Variants in FN1 observed in about 807,000 individuals in gnomAD.
The protein encoded by FN1 is fibronectin 1, also known as fibronectin.
In FN1, 106 loss-of-function variants were observed where a neutral mutation model predicts 297.3. The ratio of observed to expected loss-of-function variants is 0.36; its 90% confidence interval spans 0.30 to 0.42. The LOEUF is 0.42. Among genes scored for constraint, FN1 ranks in the 10% least tolerant of loss-of-function variants. The probability of loss-of-function intolerance (pLI) is 1.00; values close to 1 mark genes in which losing one functional copy is unlikely to be tolerated. For synonymous variants in FN1, 1,149 were observed against 1,152.6 expected, an observed-to-expected ratio of 1.00 and a Z score of 0.06; for missense variants, 2,690 against 3,124.9, an observed-to-expected ratio of 0.86 and a Z score of 3.32.
At chr2:215,434,651 T>G (rs1423649048) in intron 2 of FN1, 45 bp downstream of exon 2, 1 of 1,610,986 alleles carries the variant, frequency 6.2e-7, no homozygotes, top group South Asian at 1.1e-5. Context: ...CAATTACCAC[T>G]TCATGTATTA....
intron 35 of FN1, among the ~76,000 whole-genome samples, chr2:215,377,000 T>A (rs924677785): frequency 6.6e-6 from 1 of 152,002 alleles, no homozygotes; most frequent in Admixed American, 6.6e-5. Context: ...TGTAAAAATA[T>A]GTGTGGTAGG....
chr2:215,404,516 G>A lies in FN1; in HGVS notation c.3126C>T (p.Tyr1042=). Residue 1042 remains tyrosine, a synonymous_variant, in exon 20 of 46, where the codon TAC becomes TAT. Transcript: ENST00000354785. ...GLTRRGQPRQ[Y]NVGPSVSKYP... ...ACTTGGAGACAGAGGGACCCACATT[G>A]TACTGCCTGGGCTGTCCTCTTCGGG... 1 of 1,614,110 alleles carries A rather than the reference G, an allele frequency of 6.2e-7. No homozygotes were observed. Among genetic ancestry groups the A allele is most frequent in the Non-Finnish European group, 8.5e-7 (1 of 1,180,008 alleles).
At position 215,370,631 on chromosome 2, in the gene FN1, G is replaced by A. The variant is rs373090296; in HGVS notation, c.6715-199C>T. On this transcript the variant is annotated intron_variant, in intron 40 of 45. Transcript: ENST00000354785. ...AAATGGAACAAGGATAGGGGCCATC[G>A]TTCCTGCCAGATTTTCCTGCCAACA... The A allele has an allele frequency of 6.7e-5, 38 of 563,582 alleles. No individual in the cohort carries two copies. The Admixed American group carries it at 7.4e-4, about 11-fold the overall frequency. 34.9% of individuals were successfully genotyped at this position (563,582 alleles called of 1,614,324 possible).
Position 215,435,786 on chromosome 2 carries a change from C to A in FN1, c.17G>T (p.Gly6Val), listed in dbSNP as rs1559630476. The change falls in exon 1 of 46, where the codon GGG becomes GTG. Residue 6 changes from glycine to valine, a missense_variant. Coordinates refer to ENST00000354785, the MANE Select transcript of FN1 (RefSeq NM_212482.4). Reference sequence around the variant, plus strand: ...GACGGCCAGCAGCAGCAGCCCGGGCCCCGGACCCCTAAGCATGTTGAGACG... The same window carrying A: ...GACGGCCAGCAGCAGCAGCCCGGGCACCGGACCCCTAAGCATGTTGAGACG... MLRGP[G>V]PGLLLLAVQC... 6.4e-7 allele frequency: 1 copy of A among 1,567,372 alleles called. No individual in the cohort carries two copies. The highest frequency in any genetic ancestry group is 1.2e-5 in the South Asian group (1 of 86,448).
At chr2:215,433,491 C>A in intron 2 of FN1, 30 bp from the exon 3 acceptor site, 2 of 1,607,036 alleles carry the variant, frequency 1.2e-6, no homozygotes, top group Non-Finnish European at 1.7e-6. Flanking sequence ...CCATGTGAGC[C>A]TCACTTAGGT....
chr2:215,415,283 C>A (rs17457391), intron 12 of FN1, among the ~76,000 whole-genome samples: 1 of 152,022 alleles, frequency 6.6e-6, no homozygotes, highest in African/African-American at 2.4e-5. Context: ...AATTGTGAAA[C>A]GATCCTACAA....
Position 215,397,163 on chromosome 2 carries a change from A to G in FN1, c.3578T>C (p.Val1193Ala). The G allele has an allele frequency of 6.2e-7, 1 of 1,613,686 alleles. No homozygotes were observed. The highest frequency in any genetic ancestry group is 8.5e-7 in the Non-Finnish European group (1 of 1,179,710). The part of the protein sequence containing the change: ...EANPDTGVLT[V>A]SWERSTTPDI... ...TGGGGTGGTGCTCCTCTCCCAGGAG[A>G]CTGTGAGCACTCCAGTGTCAGGGTT... Residue 1193 changes from valine to alanine, a missense_variant, in exon 23 of 46, where the codon GTC becomes GCC. Val to Ala is a moderately conservative substitution (Grantham distance 64). Around this residue, in one of 3 missense-constraint regions of FN1, gnomAD observed 1,743 missense variants for 1,945.2 expected, o/e 0.90. Transcript: ENST00000354785.
chr2:215,419,827 C>T (rs919599256), intron 11 of FN1, among the ~76,000 whole-genome samples: 41 of 152,174 alleles, frequency 2.7e-4, no homozygotes, highest in African/African-American at 8.9e-4. Context: ...CTAGACTTTA[C>T]GAGTATACCT....
intron 10 of FN1, 124 bp from the exon 11 acceptor site, chr2:215,420,925 AC>A: frequency 1.1e-6 from 1 of 931,258 alleles, no homozygotes; most frequent in Non-Finnish European, 1.7e-6. Flanking sequence ...CACTAAAATA[AC>A]TTTTCTACAA....
intron 21 of FN1, 76 bp downstream of exon 21, chr2:215,399,180 AC>A: frequency 9.3e-7 from 1 of 1,074,398 alleles, no homozygotes; most frequent in Non-Finnish European, 1.4e-6. Context: ...ACTCCTGAGC[AC>A]CCTGTTTCCA....
intron 40 of FN1, among the ~76,000 whole-genome samples, chr2:215,371,569 ACT>A (rs1269193876): frequency 4.0e-5 from 6 of 149,988 alleles, no homozygotes; most frequent in South Asian, 2.1e-4. Flanking sequence ...AAAGCTAGTG[ACT>A]CTCTGGTATG....
intron 41 of FN1, 56 bp from the exon 42 acceptor site, chr2:215,368,083 C>T: frequency 2.5e-6 from 4 of 1,572,738 alleles, no homozygotes; most frequent in Non-Finnish European, 3.5e-6. Flanking sequence ...CGATTTGGAC[C>T]ATAAGAAGAA....
chr2:215,387,025 G>C (rs1355337261), intron 27 of FN1, 67 bp from the exon 28 acceptor site: 2 of 1,420,656 alleles, frequency 1.4e-6, no homozygotes, highest in Non-Finnish European at 1.9e-6. Flanking sequence ...TAGGAAGTGA[G>C]GAAGGTGTAG....
chr2:215,385,888 C>T (rs1422659399), intron 28 of FN1, among the ~76,000 whole-genome samples: 21 of 150,802 alleles, frequency 1.4e-4, no homozygotes, highest in African/African-American at 4.9e-4. Flanking sequence ...AGCAATTCTC[C>T]TGCCTCAGCC....
intron 12 of FN1, among the ~76,000 whole-genome samples, chr2:215,417,762 G>A (rs2063652850): frequency 6.6e-6 from 1 of 152,100 alleles, no homozygotes; most frequent in Non-Finnish European, 1.5e-5. Flanking sequence ...GTAGGAGTAA[G>A]GTCAACATGT....
In FN1 at chr2:215,434,646, A is replaced by C. The variant is rs776784827; in HGVS notation, c.277+50T>G. 6 of 1,607,062 alleles carry C rather than the reference A, an allele frequency of 3.7e-6. No individual in the cohort carries two copies. The South Asian group carries it at 6.6e-5, about 18-fold the overall frequency. The stretch of plus-strand genomic sequence containing the variant: ...CTTACTAATGCAAAGTTTAACAATT[A>C]CCACTTCATGTATTAAAAGATACTA... On this transcript the variant is annotated intron_variant, in intron 2 of 45. Transcript: ENST00000354785.
intron 10 of FN1, 193 bp from the exon 11 acceptor site, chr2:215,420,994 T>TG (rs1371474018): frequency 6.8e-6 from 4 of 591,136 alleles, no homozygotes; most frequent in Non-Finnish European, 1.2e-5. Flanking sequence ...GCCAAAAAAA[T>TG]TTTTTTCTTC....
chr2:215,415,056 T>A, intron 12 of FN1, 98 bp from the exon 13 acceptor site: 1 of 870,932 alleles, frequency 1.1e-6, no homozygotes, highest in East Asian at 2.6e-5. Flanking sequence ...CAGCTTTGCT[T>A]GTCGTTAAAT....
Position 215,423,622 on chromosome 2 carries a change from G to T in FN1, c.1217-96C>A. The T allele has an allele frequency of 2.8e-6, 3 of 1,086,570 alleles. No homozygotes were observed. The Admixed American group carries it at 5.8e-5, about 21-fold the overall frequency. 67.3% of individuals were successfully genotyped at this position (1,086,570 alleles called of 1,614,324 possible). On this transcript the variant is annotated intron_variant, in intron 8 of 45. Coordinates refer to ENST00000354785, the MANE Select transcript of FN1 (RefSeq NM_212482.4). ...GGTCTGAGAGAGCCAGGTTTCTGCA[G>T]CTCATTCACAGACAGTCTATCTCAG...
Sources: gnomAD v4.1 joint callset for allele counts (sites outside exome capture counted in the v4.1 genomes callset) on GRCh38, gnomAD v4.1.1 for gene constraint, gnomAD v4.1.1 regional missense constraint, MANE v1.5 for transcripts, NCBI Gene and HGNC (gene_info 2026-07-23, HGNC 2026-07-21) for gene names.